The following ELAVL2 variants were observed in gnomAD, a reference collection of about 807,000 sequenced individuals.
The protein encoded by ELAVL2 is ELAV like RNA binding protein 2.
A neutral mutation model predicts 34.6 loss-of-function variants in ELAVL2; 4 were observed. The ratio of observed to expected loss-of-function variants is 0.12; its 90% CI spans 0.06 to 0.26. The LOEUF (loss-of-function observed/expected upper bound fraction) is 0.26. Among genes scored for constraint, ELAVL2 ranks in the 10% least tolerant of loss-of-function variants. The pLI, the probability that ELAVL2 is intolerant of heterozygous loss-of-function variation, is 1.00. For missense variants in ELAVL2, 432 were observed against 442.8 expected (o/e 0.98, Z 0.22); for synonymous variants, 193 against 154.8 (o/e 1.25, Z -1.83).
intron 1 of ELAVL2, among the ~76,000 whole-genome samples, chr9:23,783,662 G>T (rs1460879697): frequency 1.3e-5 from 2 of 152,148 alleles, no homozygotes; most frequent in African/African-American, 4.8e-5. Flanking sequence ...CACTGTGCTG[G>T]ATAACCAAGA....
At chr9:23,763,418 G>A (rs556642124) in intron 1 of ELAVL2, among the ~76,000 whole-genome samples, 1 of 151,940 alleles carries the variant, frequency 6.6e-6, no homozygotes, top group Non-Finnish European at 1.5e-5. Context: ...AAAAATCAAC[G>A]CATCACTGAA....
At chr9:23,785,819 T>C (rs897642887) in intron 1 of ELAVL2, among the ~76,000 whole-genome samples, 18 of 152,176 alleles carry the variant, frequency 1.2e-4, no homozygotes, top group African/African-American at 4.3e-4. Flanking sequence ...AAGTAGTTGA[T>C]CGGTTTGATA....
chr9:23,804,402 C>CTTAAT (rs1297376734), intron 1 of ELAVL2, among the ~76,000 whole-genome samples: 4 of 152,054 alleles, frequency 2.6e-5, no homozygotes, highest in African/African-American at 9.7e-5. Context: ...AAAGTAAATA[C>CTTAAT]TTAATACATA....
rs1260635553 is a variant in ELAVL2, at chr9:23,690,482, C to A, written c.*2075G>T. The A allele has an allele frequency of 1.3e-5, 2 of 152,172 alleles. No homozygotes were observed. Among genetic ancestry groups the A allele is most frequent in the African/African-American group, 4.8e-5 (2 of 41,300 alleles). The allele number at this position is 152,172 out of a possible 1,614,324, so 9.4% of individuals were successfully genotyped here. A position where few individuals can be genotyped will look rare whatever the true frequency, so the allele number is the denominator to read the frequency against. ...TTTAAACGCAGAAGGTTAACTCTGG[C>A]AATCTAAATGCACCTAAGGATATGA... On this transcript the variant is annotated 3_prime_UTR_variant, in exon 7 of 7. Transcript: ENST00000397312.
intron 1 of ELAVL2, among the ~76,000 whole-genome samples, chr9:23,794,071 T>A (rs2060628984): frequency 6.6e-6 from 1 of 152,224 alleles, no homozygotes; most frequent in Admixed American, 6.5e-5. Context: ...GCTTTAGTTC[T>A]TTCATCATTG....
intron 1 of ELAVL2, among the ~76,000 whole-genome samples, chr9:23,796,940 G>C (rs1288734501): frequency 6.6e-6 from 1 of 152,076 alleles, no homozygotes; most frequent in African/African-American, 2.4e-5. Flanking sequence ...ATGCATTTGA[G>C]AGATAGCTAA....
chr9:23,827,893 G>C (rs1006574438), upstream of ELAVL2, among the ~76,000 whole-genome samples: 1 of 152,050 alleles, frequency 6.6e-6, no homozygotes, highest in Non-Finnish European at 1.5e-5. Flanking sequence ...GACAATACCT[G>C]GGGCTTGAGA....
intron 2 of ELAVL2, among the ~76,000 whole-genome samples, chr9:23,737,806 C>A (rs1230538056): frequency 6.6e-6 from 1 of 152,182 alleles, no homozygotes; most frequent in Non-Finnish European, 1.5e-5. Context: ...ATGGTCCTCT[C>A]TGTCAAGGAA....
At chr9:23,702,354 G>C (rs1004391036) in intron 4 of ELAVL2, among the ~76,000 whole-genome samples, 2 of 152,052 alleles carry the variant, frequency 1.3e-5, no homozygotes, top group Non-Finnish European at 2.9e-5. Context: ...GACTACAGAA[G>C]ATCACTCCCT....
intron 3 of ELAVL2, among the ~76,000 whole-genome samples, chr9:23,708,555 T>C (rs1015750072): frequency 6.6e-6 from 1 of 152,222 alleles, no homozygotes; most frequent in South Asian, 2.1e-4. Flanking sequence ...AAAAATTAAA[T>C]GAATCCTGGC....
At chr9:23,726,817 T>C (rs1272387686) in intron 3 of ELAVL2, among the ~76,000 whole-genome samples, 2 of 280 alleles carry the variant, frequency 7.1e-3, no homozygotes, top group Non-Finnish European at 0.016. Flanking sequence ...CTATTTAGAT[T>C]TTTTTCAATA....
At chr9:23,724,222 T>C (rs1436448876) in intron 3 of ELAVL2, among the ~76,000 whole-genome samples, 1 of 152,192 alleles carries the variant, frequency 6.6e-6, no homozygotes, top group Non-Finnish European at 1.5e-5. Context: ...ATCCACTGTG[T>C]GGCTGACAGG....
chr9:23,809,097 C>T (rs1278869165), intron 1 of ELAVL2, among the ~76,000 whole-genome samples: 1 of 152,268 alleles, frequency 6.6e-6, no homozygotes, highest in East Asian at 1.9e-4. Context: ...CTGCTTCATC[C>T]TGTGATATTC....
At chr9:23,716,044 A>G (rs1380578287) in intron 3 of ELAVL2, among the ~76,000 whole-genome samples, 5 of 152,046 alleles carry the variant, frequency 3.3e-5, no homozygotes, top group Non-Finnish European at 5.9e-5. Flanking sequence ...AAAATCTCAC[A>G]TAACGGGATA....
intron 3 of ELAVL2, among the ~76,000 whole-genome samples, chr9:23,713,720 T>A (rs1024781411): frequency 6.6e-6 from 1 of 152,138 alleles, no homozygotes; most frequent in South Asian, 2.1e-4. Flanking sequence ...CGTGTTAGCT[T>A]AGCACCAGGT....
chr9:23,788,648 A>C (rs1307179871), intron 1 of ELAVL2, among the ~76,000 whole-genome samples: 1 of 152,198 alleles, frequency 6.6e-6, no homozygotes, highest in Non-Finnish European at 1.5e-5. Flanking sequence ...GGGAACATGG[A>C]GCACTTTAAC....
chr9:23,695,699 T>C lies in ELAVL2; in HGVS notation c.714-2213A>G, dbSNP rs568475893. 5.3e-5 allele frequency among the ~76,000 whole-genome samples: 8 copies of C among 152,322 alleles called. No homozygotes were observed. The South Asian group carries it at 8.3e-4, about 16-fold the overall frequency. ...CTGTACTGAATACTGTAGGTAATTC[T>C]AACACAATGCTAAGTATTGTGTATT... On this transcript the variant is annotated intron_variant, in intron 5 of 6. Coordinates refer to ENST00000397312, the MANE Select transcript of ELAVL2 (RefSeq NM_004432.5).
intron 1 of ELAVL2, among the ~76,000 whole-genome samples, chr9:23,786,992 G>T (rs2059770834): frequency 2.0e-5 from 3 of 152,066 alleles, no homozygotes; most frequent in Non-Finnish European, 2.9e-5. Context: ...GCACACAATG[G>T]AATAAAACAT....
At chr9:23,724,696 G>C (rs953468355) in intron 3 of ELAVL2, among the ~76,000 whole-genome samples, 1 of 152,148 alleles carries the variant, frequency 6.6e-6, no homozygotes, top group African/African-American at 2.4e-5. Context: ...AAGAGGTGCT[G>C]ATAATCAGAT....
Sources: gnomAD v4.1 joint callset for allele counts (sites outside exome capture counted in the v4.1 genomes callset) on GRCh38, gnomAD v4.1.1 for gene constraint, MANE v1.5 for transcripts, NCBI Gene and HGNC (gene_info 2026-07-23, HGNC 2026-07-21) for gene names.